ENTREP2: variants seen among roughly 807,000 people sequenced by gnomAD.
The protein encoded by ENTREP2 is protein ENTREP2.
At chr15:29,159,265 G>C in the ENTREP2 span, among the ~76,000 whole-genome samples, 1 of 151,954 alleles carries the variant, frequency 6.6e-6, no homozygotes, top group Non-Finnish European at 1.5e-5. Context: ...AAGGCGGCGT[G>C]TCTGAAGTTG....
the ENTREP2 span, among the ~76,000 whole-genome samples, chr15:29,337,060 A>T: frequency 1.3e-5 from 2 of 152,222 alleles, no homozygotes; most frequent in African/African-American, 4.8e-5. Context: ...AGTTAGACTT[A>T]GTTACCTTGG....
the ENTREP2 span, among the ~76,000 whole-genome samples, chr15:29,204,411 C>T: frequency 5.3e-5 from 8 of 152,256 alleles, no homozygotes; most frequent in African/African-American, 9.6e-5. Flanking sequence ...GAAGGCTGAG[C>T]ATGTAGGCAG....
the ENTREP2 span, among the ~76,000 whole-genome samples, chr15:29,243,862 C>A: frequency 1.3e-4 from 20 of 152,072 alleles, no homozygotes; most frequent in African/African-American, 4.6e-4. Flanking sequence ...ATTACCTCCC[C>A]CAAATTAAAA....
At chr15:29,591,896 A>AGAAGAAGAAGAAGAAGAAGAG in the ENTREP2 span, among the ~76,000 whole-genome samples, 1 of 142,982 alleles carries the variant, frequency 7.0e-6, no homozygotes, top group African/African-American at 2.7e-5. Flanking sequence ...AAGAAGAAGA[A>AGAAGAAGAAGAAGAAGAAGAG]GAGAGAAAAC....
chr15:29,140,386 C>T, the ENTREP2 span, among the ~76,000 whole-genome samples: 1 of 152,158 alleles, frequency 6.6e-6, no homozygotes, highest in African/African-American at 2.4e-5. Flanking sequence ...AACCTGTGTG[C>T]CTCTCTGCCT....
the ENTREP2 span, among the ~76,000 whole-genome samples, chr15:29,558,220 A>C: frequency 6.6e-6 from 1 of 152,084 alleles, no homozygotes; most frequent in Non-Finnish European, 1.5e-5. Flanking sequence ...GCACTCAGAG[A>C]GGAGCAGCCT....
chr15:29,489,969 A>C, the ENTREP2 span, among the ~76,000 whole-genome samples: 1 of 152,224 alleles, frequency 6.6e-6, no homozygotes, highest in South Asian at 2.1e-4. Context: ...CTGAAATGAA[A>C]CTGTCTCTAA....
At chr15:29,407,333 T>C in the ENTREP2 span, among the ~76,000 whole-genome samples, 2 of 152,206 alleles carry the variant, frequency 1.3e-5, no homozygotes, top group Non-Finnish European at 2.9e-5. Flanking sequence ...CACCATTGTA[T>C]ACACAGTCCG....
At chr15:29,433,447 G>C in the ENTREP2 span, among the ~76,000 whole-genome samples, 3 of 152,130 alleles carry the variant, frequency 2.0e-5, no homozygotes, top group Admixed American at 6.6e-5. Flanking sequence ...TTATTCTTAA[G>C]GCTGCTCATA....
At chr15:29,511,216 G>A in the ENTREP2 span, among the ~76,000 whole-genome samples, 1 of 152,100 alleles carries the variant, frequency 6.6e-6, no homozygotes, top group African/African-American at 2.4e-5. Flanking sequence ...GAAAGAAAAA[G>A]AAGACATGCT....
the ENTREP2 span, among the ~76,000 whole-genome samples, chr15:29,586,159 C>T: frequency 6.6e-6 from 1 of 152,076 alleles, no homozygotes; most frequent in Non-Finnish European, 1.5e-5. Flanking sequence ...ACTATTGATA[C>T]ATGCTATAAC....
At chr15:29,145,814 C>G in the ENTREP2 span, among the ~76,000 whole-genome samples, 34 of 152,144 alleles carry the variant, frequency 2.2e-4, no homozygotes, top group Admixed American at 2.6e-4. Flanking sequence ...AGTGGAGGTT[C>G]CAGCCAGGGC....
the ENTREP2 span, among the ~76,000 whole-genome samples, chr15:29,222,278 A>G: frequency 6.6e-6 from 1 of 152,178 alleles, no homozygotes; most frequent in Admixed American, 6.5e-5. Context: ...TCCCATGACA[A>G]TGTCAGGAAG....
the ENTREP2 span, among the ~76,000 whole-genome samples, chr15:29,245,651 A>C: frequency 1.3e-5 from 2 of 151,494 alleles, no homozygotes; most frequent in African/African-American, 4.8e-5. Context: ...TAAAAACAAC[A>C]ATATAACAGT....
the ENTREP2 span, among the ~76,000 whole-genome samples, chr15:29,599,292 C>A: frequency 1.8e-4 from 28 of 152,258 alleles, no homozygotes; most frequent in African/African-American, 6.5e-4. Flanking sequence ...CTGTATTGAC[C>A]ATCTATTCAT....
the ENTREP2 span, among the ~76,000 whole-genome samples, chr15:29,409,642 T>C: frequency 6.6e-6 from 1 of 151,946 alleles, no homozygotes; most frequent in Non-Finnish European, 1.5e-5. Flanking sequence ...CTTTTTTTTT[T>C]TTTAAAGACA....
the ENTREP2 span, among the ~76,000 whole-genome samples, chr15:29,632,735 G>A: frequency 2.9e-4 from 44 of 152,124 alleles, no homozygotes; most frequent in South Asian, 3.5e-3. Context: ...GCAGTGAGCC[G>A]AGATCCCACC....
chr15:29,427,740 G>A, the ENTREP2 span, among the ~76,000 whole-genome samples: 1 of 152,126 alleles, frequency 6.6e-6, no homozygotes, highest in Non-Finnish European at 1.5e-5. Flanking sequence ...CATCTACAAA[G>A]CCCCTTTTGC....
At chr15:29,555,760 C>T in the ENTREP2 span, among the ~76,000 whole-genome samples, 1 of 152,222 alleles carries the variant, frequency 6.6e-6, no homozygotes, top group South Asian at 2.1e-4. Flanking sequence ...AGAGTTGCAT[C>T]CTTCTTTCCT....
Sources: gnomAD v4.1 joint callset for allele counts (sites outside exome capture counted in the v4.1 genomes callset) on GRCh38, gnomAD v4.1.1 for gene constraint, MANE v1.5 for transcripts, NCBI Gene and HGNC (gene_info 2026-07-23, HGNC 2026-07-21) for gene names.